TSPAN5: variants seen among roughly 807,000 people sequenced by gnomAD.
The protein encoded by TSPAN5 is tetraspanin 5, also known as tetraspanin-5.
TSPAN5 carries 10 observed loss-of-function variants against 37.1 expected under a neutral mutation model. The observed-to-expected ratio is 0.27, with a 90% CI of 0.17 to 0.46. The LOEUF is 0.46. TSPAN5 is among the 20% of genes least tolerant of loss of function. The pLI is 1.00. For missense variants in TSPAN5, 195 were observed against 326.6 expected (o/e 0.60, Z 3.11); for synonymous variants, 110 against 118.9 (o/e 0.93, Z 0.48).
chr4:98,641,487 G>A (rs1756961482), intron 1 of TSPAN5, among the ~76,000 whole-genome samples: 1 of 152,164 alleles, frequency 6.6e-6, no homozygotes, highest in Non-Finnish European at 1.5e-5. Flanking sequence ...AAGTTTTTGA[G>A]TCTGCTCATT....
At chr4:98,568,030 C>G (rs1434961811) in intron 1 of TSPAN5, among the ~76,000 whole-genome samples, 1 of 152,012 alleles carries the variant, frequency 6.6e-6, no homozygotes, top group East Asian at 1.9e-4. Context: ...TGCTTGGGCT[C>G]AATATATGAT....
chr4:98,611,622 A>G (rs1448476686), intron 1 of TSPAN5, among the ~76,000 whole-genome samples: 1 of 152,234 alleles, frequency 6.6e-6, no homozygotes, highest in Non-Finnish European at 1.5e-5. Flanking sequence ...ATAACACACC[A>G]GGGGAGAAAA....
chr4:98,490,949 C>A (rs4547802), intron 2 of TSPAN5, among the ~76,000 whole-genome samples: 67,251 of 151,690 alleles, frequency 0.44, 15,141 homozygotes, highest in Admixed American at 0.53. Flanking sequence ...GTAGTTCCAG[C>A]AACTCGGGAG....
chr4:98,494,533 C>T (rs1753155560), intron 2 of TSPAN5, among the ~76,000 whole-genome samples: 1 of 151,758 alleles, frequency 6.6e-6, no homozygotes, highest in Non-Finnish European at 1.5e-5. Flanking sequence ...AAATGGTACT[C>T]TATGTCCTAA....
intron 1 of TSPAN5, among the ~76,000 whole-genome samples, chr4:98,645,638 C>A (rs538085016): frequency 6.6e-6 from 1 of 152,276 alleles, no homozygotes; most frequent in East Asian, 1.9e-4. Flanking sequence ...CTTTGGGACT[C>A]GCTGCTTTAG....
intron 1 of TSPAN5, among the ~76,000 whole-genome samples, chr4:98,576,481 C>A (rs1288778601): frequency 2.0e-5 from 3 of 152,080 alleles, no homozygotes; most frequent in Non-Finnish European, 4.4e-5. Flanking sequence ...CACCTGTAAT[C>A]CCAGACAACA....
intron 1 of TSPAN5, among the ~76,000 whole-genome samples, chr4:98,553,502 C>T (rs534607796): frequency 6.6e-5 from 10 of 152,180 alleles, no homozygotes; most frequent in East Asian, 1.9e-4. Flanking sequence ...TAAAAGACAA[C>T]GTAATAATAC....
At chr4:98,580,550 G>A (rs1755344541) in intron 1 of TSPAN5, among the ~76,000 whole-genome samples, 1 of 152,202 alleles carries the variant, frequency 6.6e-6, no homozygotes, top group Admixed American at 6.5e-5. Flanking sequence ...TTCCCAGAGA[G>A]AAGTCAGCAA....
intron 2 of TSPAN5, among the ~76,000 whole-genome samples, chr4:98,489,769 A>G (rs185204246): frequency 3.3e-5 from 5 of 151,744 alleles, no homozygotes; most frequent in East Asian, 1.9e-4. Context: ...GGATAGAGCT[A>G]TAACACTCAC....
chr4:98,643,313 T>C (rs1188819325), intron 1 of TSPAN5, among the ~76,000 whole-genome samples: 4 of 152,100 alleles, frequency 2.6e-5, no homozygotes, highest in African/African-American at 4.8e-5. Context: ...CTACACACCG[T>C]CTATGTTTGT....
At chr4:98,510,858 T>G (rs755223677) in intron 1 of TSPAN5, among the ~76,000 whole-genome samples, 8 of 152,194 alleles carry the variant, frequency 5.3e-5, no homozygotes, top group Non-Finnish European at 1.0e-4. Flanking sequence ...CTAGCAAATG[T>G]CCTCCCAATT....
At chr4:98,498,648 C>T (rs1407110078) in intron 2 of TSPAN5, among the ~76,000 whole-genome samples, 3 of 152,096 alleles carry the variant, frequency 2.0e-5, no homozygotes, top group East Asian at 3.9e-4. Flanking sequence ...CACCACTGCC[C>T]AGGGCCTGGG....
chr4:98,487,536 C>T lies in TSPAN5; in HGVS notation c.133-652G>A, dbSNP rs188318374. Among the ~76,000 whole-genome samples, 289 of 152,136 alleles carry T rather than the reference C, an allele frequency of 1.9e-3. 3 individuals carry two copies. Among genetic ancestry groups the T allele is most frequent in the African/African-American group, 6.7e-3 (278 of 41,488 alleles). On this transcript the variant is annotated intron_variant, in intron 2 of 7. Transcript: ENST00000305798. ...CTAGAAGCTGAAAACTAACACAGCA[C>T]CCGGTCCGGCTACAAACACCTACAA... is the stretch of plus-strand genomic sequence containing the variant.
intron 1 of TSPAN5, among the ~76,000 whole-genome samples, chr4:98,591,068 TGTTTTTTTG>T (rs1483947335): frequency 6.7e-6 from 1 of 149,758 alleles, no homozygotes; most frequent in African/African-American, 2.5e-5. Context: ...TCCTTTTTTT[TGTTTTTTTG>T]TTTTTTTTTT....
At chr4:98,639,482 T>C (rs1756920869) in intron 1 of TSPAN5, among the ~76,000 whole-genome samples, 1 of 135,438 alleles carries the variant, frequency 7.4e-6, no homozygotes, top group Admixed American at 7.8e-5. Flanking sequence ...TGTGACTGGC[T>C]AATTTTTTTT....
At chr4:98,491,581 G>A (rs748662015) in intron 2 of TSPAN5, among the ~76,000 whole-genome samples, 2 of 151,842 alleles carry the variant, frequency 1.3e-5, no homozygotes, top group Admixed American at 1.3e-4. Flanking sequence ...CCAGCTACTC[G>A]AGAGGCTGAG....
At chr4:98,482,993 C>G (rs970191994) in intron 3 of TSPAN5, 1 of 152,264 alleles carries the variant, frequency 6.6e-6, no homozygotes, top group African/African-American at 2.4e-5. Flanking sequence ...AGAAATTCCC[C>G]TTCCATCTAG....
intron 1 of TSPAN5, among the ~76,000 whole-genome samples, chr4:98,533,442 C>T (rs1218642571): frequency 6.7e-6 from 1 of 149,826 alleles, no homozygotes; most frequent in African/African-American, 2.5e-5. Context: ...CAGGATTTAT[C>T]CATTATTACA....
intron 1 of TSPAN5, among the ~76,000 whole-genome samples, chr4:98,524,122 T>C (rs887580278): frequency 1.3e-5 from 2 of 152,214 alleles, no homozygotes; most frequent in Non-Finnish European, 2.9e-5. Context: ...TATCACATCA[T>C]CTGTGCATTA....
Sources: allele counts gnomAD v4.1 joint callset (sites outside exome capture counted in the v4.1 genomes callset), GRCh38; gene constraint gnomAD v4.1.1; transcripts MANE v1.5; gene names NCBI Gene and HGNC (gene_info 2026-07-23, HGNC 2026-07-21).